CDYL2: variants seen among roughly 807,000 people sequenced by gnomAD.
CDYL2 encodes chromodomain Y like 2.
CDYL2 carries 23 observed loss-of-function variants against 49.4 expected under a neutral mutation model. That is an observed-to-expected ratio of 0.47 (90% CI 0.34 to 0.66). The LOEUF is 0.66. Among genes scored for constraint, CDYL2 ranks in the 30% least tolerant of loss-of-function variants. The pLI, the probability that CDYL2 is intolerant of heterozygous loss-of-function variation, is 0.01. For missense variants in CDYL2, 678 were observed against 656.4 expected (o/e 1.03, Z -0.36); for synonymous variants, 360 against 268.8 (o/e 1.34, Z -3.32).
At chr16:80,703,424 C>A (rs1380948141) in intron 1 of CDYL2, among the ~76,000 whole-genome samples, 1 of 152,174 alleles carries the variant, frequency 6.6e-6, no homozygotes, top group Non-Finnish European at 1.5e-5. Flanking sequence ...CAGAAAGCCT[C>A]AGGCTTATCC....
At chr16:80,774,194 C>T (rs1231198657) in intron 1 of CDYL2, among the ~76,000 whole-genome samples, 2 of 152,108 alleles carry the variant, frequency 1.3e-5, no homozygotes, top group African/African-American at 2.4e-5. Flanking sequence ...TTGATACATA[C>T]ACATAAACAA....
At chr16:80,789,340 C>T (rs576611349) in intron 1 of CDYL2, among the ~76,000 whole-genome samples, 45 of 152,266 alleles carry the variant, frequency 3.0e-4, no homozygotes, top group African/African-American at 9.4e-4. Context: ...CGGTGGCTCA[C>T]GCCTGTAATC....
rs138122540 is a variant in CDYL2, at chr16:80,645,377, T to G, written c.617-12141A>C. Among the ~76,000 whole-genome samples the G allele has an allele frequency of 7.9e-3, 1,207 of 152,182 alleles. 6 individuals carry two copies. Among genetic ancestry groups the G allele is most frequent in the Non-Finnish European group, 0.012 (812 of 68,012 alleles). On this transcript the variant is annotated intron_variant, in intron 2 of 6. Transcript: ENST00000570137. ...GACATTTATGCAGCCAAAAGACATA[T>G]GAAAAAATGCTCATCATCACTGGCC...
chr16:80,779,168 C>A (rs1366157146), intron 1 of CDYL2, among the ~76,000 whole-genome samples: 2 of 151,980 alleles, frequency 1.3e-5, no homozygotes, highest in East Asian at 1.9e-4. Context: ...ATACATTAAT[C>A]TGCCATAAAT....
At position 80,599,536 on chromosome 16, in the gene CDYL2, T is replaced by C. The variant is rs1238807513; in HGVS notation, c.*4852A>G. Reference sequence around the variant, plus strand: ...TTTGTCCTGCTAAACTCCAGTTTAGTATGGCTTGATACACATAGTTCATTG... The same window carrying C: ...TTTGTCCTGCTAAACTCCAGTTTAGCATGGCTTGATACACATAGTTCATTG... On this transcript the variant is annotated 3_prime_UTR_variant, in exon 7 of 7. Transcript: ENST00000570137. The C allele has an allele frequency of 6.6e-6, 1 of 152,160 alleles. No homozygotes were observed. The highest frequency in any genetic ancestry group is 1.9e-4 in the East Asian group (1 of 5,194). The allele number at this position is 152,160 out of a possible 1,614,324, so 9.4% of individuals were successfully genotyped here. A position where few individuals can be genotyped will look rare whatever the true frequency, so the allele number is the denominator to read the frequency against.
At chr16:80,758,408 T>G (rs565851216) in intron 1 of CDYL2, among the ~76,000 whole-genome samples, 1 of 151,888 alleles carries the variant, frequency 6.6e-6, no homozygotes, top group Non-Finnish European at 1.5e-5. Context: ...TTGCAAGGGG[T>G]TGGGGAGGTA....
intron 2 of CDYL2, among the ~76,000 whole-genome samples, chr16:80,649,400 A>C (rs972741691): frequency 1.3e-5 from 2 of 152,174 alleles, no homozygotes; most frequent in Non-Finnish European, 2.9e-5. Flanking sequence ...CACAAATAAA[A>C]TTAAATACCT....
intron 1 of CDYL2, among the ~76,000 whole-genome samples, chr16:80,795,004 T>C (rs1471062586): frequency 6.6e-6 from 1 of 152,212 alleles, no homozygotes; most frequent in Non-Finnish European, 1.5e-5. Context: ...ATTTGACTGA[T>C]GGATCATTAA....
At chr16:80,793,593 A>T (rs1300968911) in intron 1 of CDYL2, among the ~76,000 whole-genome samples, 1 of 152,238 alleles carries the variant, frequency 6.6e-6, no homozygotes, top group East Asian at 1.9e-4. Flanking sequence ...CTACAGGTCC[A>T]GCAAAGTGCC....
At chr16:80,791,949 T>C (rs537759673) in intron 1 of CDYL2, among the ~76,000 whole-genome samples, 2 of 152,278 alleles carry the variant, frequency 1.3e-5, no homozygotes, top group South Asian at 4.2e-4. Flanking sequence ...GCAATGGCAG[T>C]TTTCTCCTGA....
chr16:80,629,173 G>A (rs1450993839), intron 3 of CDYL2, among the ~76,000 whole-genome samples: 2 of 152,136 alleles, frequency 1.3e-5, no homozygotes, highest in Admixed American at 6.5e-5. Context: ...GGGGAGGGGT[G>A]TGTGTATAAA....
rs1212003680 is a variant in CDYL2, at chr16:80,620,858, C to T, written c.912G>A (p.Gly304=). The T allele has an allele frequency of 1.2e-6, 2 of 1,613,312 alleles. No homozygotes were observed. The highest frequency in any genetic ancestry group is 1.7e-6 in the Non-Finnish European group (2 of 1,179,438). ...DSKLLLLSAV[G]SVFCSGLDYS... ...AATCCAGGCCGCTGCAGAACACGCT[C>T]CCCACTGCGCTGAGGAGCAGCAGTT... is the stretch of plus-strand genomic sequence containing the variant. Residue 304 remains glycine, a synonymous_variant, in exon 4 of 7, where the codon GGG becomes GGA. Transcript: ENST00000570137.
At chr16:80,714,988 G>A (rs1230525257) in intron 1 of CDYL2, among the ~76,000 whole-genome samples, 3 of 152,220 alleles carry the variant, frequency 2.0e-5, no homozygotes, top group East Asian at 1.9e-4. Context: ...AGTCACTAAG[G>A]ATCAGAGACA....
chr16:80,636,454 A>G (rs757081372), intron 2 of CDYL2, among the ~76,000 whole-genome samples: 157 of 152,364 alleles, frequency 1.0e-3, no homozygotes, highest in Non-Finnish European at 2.0e-3. Flanking sequence ...ACATGAAAAA[A>G]AGCTCATCAT....
At chr16:80,732,589 C>T (rs1466099647) in intron 1 of CDYL2, among the ~76,000 whole-genome samples, 1 of 152,170 alleles carries the variant, frequency 6.6e-6, no homozygotes, top group African/African-American at 2.4e-5. Context: ...TACCTATTTA[C>T]CCTTTTGCTC....
intron 2 of CDYL2, among the ~76,000 whole-genome samples, chr16:80,670,777 GTGT>G (rs1909469178): frequency 6.6e-6 from 1 of 152,190 alleles, no homozygotes; most frequent in Admixed American, 6.5e-5. Context: ...AACATAAAAA[GTGT>G]GAATCGAGGC....
intron 1 of CDYL2, among the ~76,000 whole-genome samples, chr16:80,753,875 A>G (rs1906220339): frequency 6.6e-6 from 1 of 152,260 alleles, no homozygotes; most frequent in Non-Finnish European, 1.5e-5. Context: ...TATTTATGAT[A>G]CATATTTCTT....
chr16:80,745,179 A>T lies in CDYL2; in HGVS notation c.24+58971T>A, dbSNP rs7190315. ...CAATCAAGGTGAGAGGTTCAAGCAA[A>T]CTGCCCGAGGGTCCCCCAGCTAGAA... On this transcript the variant is annotated intron_variant, in intron 1 of 6. Transcript: ENST00000570137. 7.5e-3 allele frequency among the ~76,000 whole-genome samples: 1,135 copies of T among 152,124 alleles called. 20 individuals are homozygous for T. The highest frequency in any genetic ancestry group is 0.026 in the African/African-American group (1,058 of 41,468).
chr16:80,700,224 T>C (rs529806089), intron 1 of CDYL2, among the ~76,000 whole-genome samples: 1 of 152,128 alleles, frequency 6.6e-6, no homozygotes, highest in Non-Finnish European at 1.5e-5. Flanking sequence ...CCAGATAAAT[T>C]AGAAAGTTAA....
Sources: gnomAD v4.1 joint callset for allele counts (sites outside exome capture counted in the v4.1 genomes callset) on GRCh38, gnomAD v4.1.1 for gene constraint, MANE v1.5 for transcripts, NCBI Gene and HGNC (gene_info 2026-07-23, HGNC 2026-07-21) for gene names.